Variants in RASSF5 observed in about 807,000 individuals in gnomAD.
RASSF5 encodes the protein ras association domain-containing protein 5.
RASSF5 carries 25 observed loss-of-function variants against 40.5 expected under a neutral mutation model. The observed-to-expected ratio is 0.62, with a 90% confidence interval of 0.45 to 0.86. The LOEUF (loss-of-function observed/expected upper bound fraction) is 0.86, where lower values mean the gene tolerates loss of function less well. Ranked by LOEUF, RASSF5 falls within the 40% of genes least tolerant of loss-of-function variation. The pLI is 0.00. For synonymous variants in RASSF5, 246 were observed against 252.4 expected (o/e 0.97, Z 0.24); for missense variants, 521 against 572.8 (o/e 0.91, Z 0.92).
chr1:206,530,031 A>G (rs951456853), intron 1 of RASSF5, among the ~76,000 whole-genome samples: 4 of 152,230 alleles, frequency 2.6e-5, no homozygotes, highest in Non-Finnish European at 4.4e-5. Flanking sequence ...TATGGTGGGT[A>G]CTGAGTAATG....
At chr1:206,515,924 A>G (rs539948685) in intron 1 of RASSF5, among the ~76,000 whole-genome samples, 24 of 152,364 alleles carry the variant, frequency 1.6e-4, no homozygotes, top group Non-Finnish European at 3.1e-4. Flanking sequence ...ATGCCTTATT[A>G]TTCAACTGGA....
At chr1:206,518,994 C>A (rs1347627539) in intron 1 of RASSF5, among the ~76,000 whole-genome samples, 1 of 151,878 alleles carries the variant, frequency 6.6e-6, no homozygotes, top group Non-Finnish European at 1.5e-5. Flanking sequence ...AAAGGCTTCT[C>A]ACCTGCAGAG....
At chr1:206,550,939 T>C (rs1194938380) in intron 2 of RASSF5, among the ~76,000 whole-genome samples, 1 of 152,224 alleles carries the variant, frequency 6.6e-6, no homozygotes, top group Non-Finnish European at 1.5e-5. Context: ...TGACAGCCCC[T>C]TTCTGCCATC....
At chr1:206,571,776 G>A (rs1553404235) in intron 2 of RASSF5, among the ~76,000 whole-genome samples, 1 of 152,224 alleles carries the variant, frequency 6.6e-6, no homozygotes. Flanking sequence ...CAGGGAGACT[G>A]AAAGGACGCT....
Position 206,507,788 on chromosome 1 carries a change from C to A in RASSF5, c.186C>A (p.Ala62=). 7.2e-7 allele frequency: 1 copy of A among 1,391,428 alleles called. No homozygotes were observed. The highest frequency in any genetic ancestry group is 1.6e-5 in the South Asian group (1 of 61,872). 86.2% of individuals were successfully genotyped at this position (1,391,428 alleles called of 1,614,324 possible). ...CCGGGGCGCGCGAGGGGCGCAGCGC[C>A]CGGAGGGCTGCCCGGGGGAACCTGG... ...TAPGAREGRS[A]RRAARGNLEP... is the part of the protein sequence containing the mutation. The change falls in exon 1 of 6, where the codon GCC becomes GCA. Residue 62 remains alanine, a synonymous_variant. Transcript: ENST00000579436.
rs1553401202 is a variant in RASSF5, at chr1:206,552,801, AC to A, written c.579+14510del. Among the ~76,000 whole-genome samples the A allele has an allele frequency of 6.6e-6, 1 of 152,188 alleles. No individual in the cohort carries two copies. Among genetic ancestry groups the A allele is most frequent in the Non-Finnish European group, 1.5e-5 (1 of 68,028 alleles). On this transcript the variant is annotated intron_variant, in intron 2 of 5. Coordinates refer to ENST00000579436, the MANE Select transcript of RASSF5 (RefSeq NM_182663.4). This position sits in a 1 kb window ranked among gnomAD's most constrained non-coding sequence, Gnocchi z 4.1. ...AACTTTCATTCAGTAACTTTAGTAG[AC>A]CGTCTTATTCAATGTTGTTCTCACT...
At chr1:206,523,735 T>C (rs189903366) in intron 1 of RASSF5, among the ~76,000 whole-genome samples, 7,286 of 97,346 alleles carry the variant, frequency 0.075, 571 homozygotes, top group African/African-American at 0.2. Flanking sequence ...ATATATTATA[T>C]ATAATATATT....
At chr1:206,576,527 G>A (rs1553405234) in intron 2 of RASSF5, among the ~76,000 whole-genome samples, 1 of 152,226 alleles carries the variant, frequency 6.6e-6, no homozygotes, top group African/African-American at 2.4e-5. Flanking sequence ...TTAACTGGTG[G>A]TGTGAGGAAA....
Position 206,584,007 on chromosome 1 carries a change from C to T in RASSF5, c.691-380C>T, listed in dbSNP as rs974690227. Reference sequence around the variant, plus strand: ...AATCTAGTGGGCTGGTTCTCCAAGGCCCTCATTATAGAGCCTTCCTGCTTC... The same window carrying T: ...AATCTAGTGGGCTGGTTCTCCAAGGTCCTCATTATAGAGCCTTCCTGCTTC... On this transcript the variant is annotated intron_variant, in intron 3 of 5. Transcript: ENST00000579436. This position sits in a 1 kb window ranked among gnomAD's most constrained non-coding sequence, Gnocchi z 4.9. Among the ~76,000 whole-genome samples, 7 of 152,162 alleles carry T rather than the reference C, an allele frequency of 4.6e-5. No homozygotes were observed. The highest frequency in any genetic ancestry group is 1.7e-4 in the African/African-American group (7 of 41,428).
At chr1:206,551,326 C>T (rs148310076) in intron 2 of RASSF5, among the ~76,000 whole-genome samples, 68 of 152,306 alleles carry the variant, frequency 4.5e-4, no homozygotes, top group African/African-American at 1.4e-3. Context: ...TGCACACCAG[C>T]CCACCTATAT....
rs560699097 is a variant in RASSF5, at chr1:206,589,412, G to C, written c.*2434G>C. 6.6e-6 allele frequency: 1 copy of C among 152,416 alleles called. No homozygotes were observed. Among genetic ancestry groups the C allele is most frequent in the Non-Finnish European group, 1.5e-5 (1 of 68,042 alleles). 9.4% of individuals were successfully genotyped at this position (152,416 alleles called of 1,614,324 possible). On this transcript the variant is annotated 3_prime_UTR_variant, in exon 6 of 6. Transcript: ENST00000579436. ...TTTTGCCAGTGAGCAGAGAAATGAA[G>C]GCTACTGTTCAAATAATTTGGGAAA...
At chr1:206,536,926 G>A (rs1365594260) in intron 1 of RASSF5, among the ~76,000 whole-genome samples, 1 of 152,176 alleles carries the variant, frequency 6.6e-6, no homozygotes, top group Non-Finnish European at 1.5e-5. Flanking sequence ...TGACCTGGCA[G>A]CTATCTGTGA....
chr1:206,528,958 T>A, intron 1 of RASSF5: 1 of 660,708 alleles, frequency 1.5e-6, no homozygotes, highest in Non-Finnish European at 2.7e-6. Flanking sequence ...GTGGCTCCTG[T>A]CGTGAAGAAG....
chr1:206,547,943 G>A (rs543714465), intron 2 of RASSF5, among the ~76,000 whole-genome samples: 8 of 151,968 alleles, frequency 5.3e-5, no homozygotes, highest in Non-Finnish European at 1.2e-4. Flanking sequence ...TCTTGTATTT[G>A]TGGGTGTGCT....
chr1:206,536,248 C>T (rs1208174743), intron 1 of RASSF5, among the ~76,000 whole-genome samples: 1 of 152,156 alleles, frequency 6.6e-6, no homozygotes, highest in Admixed American at 6.5e-5. Context: ...AGGGAATTGA[C>T]TTCATTCATT....
intron 1 of RASSF5, among the ~76,000 whole-genome samples, chr1:206,529,954 G>A (rs185784956): frequency 6.6e-6 from 1 of 151,942 alleles, no homozygotes; most frequent in Non-Finnish European, 1.5e-5. Context: ...TAAAAATTGG[G>A]GTAGAAACAC....
At chr1:206,524,690 T>C (rs1311312390) in intron 1 of RASSF5, among the ~76,000 whole-genome samples, 1 of 138,180 alleles carries the variant, frequency 7.2e-6, no homozygotes, top group Non-Finnish European at 1.5e-5. Flanking sequence ...ATATATTTAA[T>C]ATATTATATA....
At chr1:206,529,752 A>T in intron 1 of RASSF5, 1 of 474,774 alleles carries the variant, frequency 2.1e-6, no homozygotes, top group Non-Finnish European at 3.7e-6. Context: ...TTAAAATACT[A>T]CAATTTTTCC....
At chr1:206,546,061 CT>C (rs1344376515) in intron 2 of RASSF5, among the ~76,000 whole-genome samples, 2 of 113,524 alleles carry the variant, frequency 1.8e-5, no homozygotes, top group African/African-American at 6.9e-5. Flanking sequence ...CTTCTTACTA[CT>C]TTTTTTCTTT....
Sources: allele counts gnomAD v4.1 joint callset (sites outside exome capture counted in the v4.1 genomes callset), GRCh38; gene constraint gnomAD v4.1.1; non-coding constraint Gnocchi (gnomAD v3.1); transcripts MANE v1.5; gene names NCBI Gene and HGNC (gene_info 2026-07-23, HGNC 2026-07-21).